RBFOX1: variants seen among roughly 807,000 people sequenced by gnomAD.
The protein encoded by RBFOX1 is RNA binding protein fox-1 homolog 1.
RBFOX1 carries 8 observed loss-of-function variants against 57.7 expected under a neutral mutation model. That is an observed-to-expected ratio of 0.14 (90% CI 0.08 to 0.25). RBFOX1 has a LOEUF of 0.25. Among genes scored for constraint, RBFOX1 ranks in the 10% least tolerant of loss-of-function variants. The pLI is 1.00. For missense variants in RBFOX1, 611 were observed against 548.5 expected (o/e 1.11, Z -1.14); for synonymous variants, 326 against 222.4 (o/e 1.47, Z -4.15).
intron 1 of RBFOX1, among the ~76,000 whole-genome samples, chr16:6,205,292 G>T (rs1293407429): frequency 6.6e-6 from 1 of 152,180 alleles, no homozygotes; most frequent in Non-Finnish European, 1.5e-5. Context: ...GGGAAGCTCT[G>T]TGTTTTAAGG....
chr16:5,475,122 C>G (rs972344494), intron 2 of RBFOX1, among the ~76,000 whole-genome samples: 3 of 152,188 alleles, frequency 2.0e-5, no homozygotes, highest in Non-Finnish European at 2.9e-5. Flanking sequence ...TCTGAGAATC[C>G]TAGTCTTTTA....
intron 1 of RBFOX1, among the ~76,000 whole-genome samples, chr16:6,046,279 A>G (rs1028054772): frequency 1.3e-5 from 2 of 152,176 alleles, no homozygotes; most frequent in East Asian, 3.9e-4. Flanking sequence ...TTTTTGTGAT[A>G]ACACTGACAG....
rs148392550 is a variant in RBFOX1 at position 6,968,460 on chromosome 16, C to T, written c.-15-83597C>T. 6.5e-3 allele frequency among the ~76,000 whole-genome samples: 987 copies of T among 152,194 alleles called. 15 individuals are homozygous for T. The highest frequency in any genetic ancestry group is 0.022 in the African/African-American group (932 of 41,518). Reference sequence around the variant, plus strand: ...TAAAAGCATGCTGCCTGACGCTATCCGGACCGAAAAACTGAGGCTTCTCCC... The same window carrying T: ...TAAAAGCATGCTGCCTGACGCTATCTGGACCGAAAAACTGAGGCTTCTCCC... On this transcript the variant is annotated intron_variant, in intron 3 of 15. Transcript: ENST00000550418.
chr16:5,253,021 G>A (rs917957110), intron 1 of RBFOX1, among the ~76,000 whole-genome samples: 1 of 152,218 alleles, frequency 6.6e-6, no homozygotes, highest in Non-Finnish European at 1.5e-5. Context: ...AGCGTGAGGG[G>A]TTCTCCTCTG....
rs1329343925 is a variant in RBFOX1 at position 6,750,752 on chromosome 16, G to A, written c.-16+96102G>A. ...AAGGGATAGGGCAGTGTATGAGACAGACCCTTGCCTTTGTGGACTAATTAT... is the reference window on the plus strand; with the variant it reads ...AAGGGATAGGGCAGTGTATGAGACAAACCCTTGCCTTTGTGGACTAATTAT... On this transcript the variant is annotated intron_variant, in intron 3 of 15. Transcript: ENST00000550418. 2.6e-5 allele frequency among the ~76,000 whole-genome samples: 4 copies of A among 152,194 alleles called. No homozygotes were observed. In the East Asian group the frequency reaches 7.7e-4, roughly 29 times the overall value.
At chr16:6,216,663 T>C (rs919281937) in intron 1 of RBFOX1, among the ~76,000 whole-genome samples, 4 of 152,210 alleles carry the variant, frequency 2.6e-5, no homozygotes, top group African/African-American at 9.6e-5. Flanking sequence ...TCTTTCTTTA[T>C]TTTTTATTTT....
chr16:5,300,429 G>A (rs1357989934), intron 1 of RBFOX1, among the ~76,000 whole-genome samples: 1 of 151,996 alleles, frequency 6.6e-6, no homozygotes, highest in East Asian at 1.9e-4. Context: ...TGGGTGATGA[G>A]TGCATCAAAA....
intron 4 of RBFOX1, among the ~76,000 whole-genome samples, chr16:5,939,140 T>G (rs1030001191): frequency 1.1e-4 from 16 of 152,168 alleles, no homozygotes; most frequent in Admixed American, 8.5e-4. Context: ...ATACCTCATG[T>G]AAATGATGAA....
At chr16:5,811,696 G>A (rs938809466) in intron 3 of RBFOX1, among the ~76,000 whole-genome samples, 1 of 152,070 alleles carries the variant, frequency 6.6e-6, no homozygotes, top group African/African-American at 2.4e-5. Context: ...TGGTCTGCCC[G>A]CCTTGGCCTC....
At chr16:5,558,886 T>G (rs910184127) in intron 2 of RBFOX1, among the ~76,000 whole-genome samples, 2 of 152,104 alleles carry the variant, frequency 1.3e-5, no homozygotes, top group Non-Finnish European at 2.9e-5. Context: ...CTGGAGAACT[T>G]GTTAAAATGT....
chr16:6,981,042 C>CAAAAAAAA lies in RBFOX1; in HGVS notation c.-15-71005_-15-70998dup, dbSNP rs36117809. On this transcript the variant is annotated intron_variant, in intron 3 of 15. Coordinates refer to ENST00000550418, the MANE Select transcript of RBFOX1 (RefSeq NM_018723.4). Reference sequence around the variant, plus strand: ...TGGGTGGCAGAGCAAGTCTCAGTCTCAAAAAAAAAAAAAAAAACACTAAAA... The same window carrying CAAAAAAAA: ...TGGGTGGCAGAGCAAGTCTCAGTCTCAAAAAAAAAAAAAAAAAAAAAAAAACACTAAAA... Among the ~76,000 whole-genome samples the CAAAAAAAA allele has an allele frequency of 1.8e-3, 140 of 77,410 alleles. 17 individuals carry two copies. Among genetic ancestry groups the CAAAAAAAA allele is most frequent in the African/African-American group, 6.2e-3 (78 of 12,670 alleles). The allele number at this position is 77,410 out of a possible 152,430, so 50.8% of individuals were successfully genotyped here.
intron 3 of RBFOX1, among the ~76,000 whole-genome samples, chr16:6,996,719 A>G (rs1404591894): frequency 6.6e-6 from 1 of 152,218 alleles, no homozygotes; most frequent in Non-Finnish European, 1.5e-5. Flanking sequence ...GCAGTGCTTC[A>G]TACAAATAAT....
intron 1 of RBFOX1, among the ~76,000 whole-genome samples, chr16:6,059,676 T>C (rs1429908580): frequency 6.6e-6 from 1 of 152,142 alleles, no homozygotes; most frequent in African/African-American, 2.4e-5. Flanking sequence ...AGGTCTTAAG[T>C]TTCTTCCTTC....
At chr16:5,546,788 ACT>A (rs1328305047) in intron 2 of RBFOX1, among the ~76,000 whole-genome samples, 4 of 152,068 alleles carry the variant, frequency 2.6e-5, no homozygotes, top group Admixed American at 1.3e-4. Flanking sequence ...AAAATTAAAA[ACT>A]CTACTTTGAA....
At chr16:5,891,980 C>CGA (rs2058054605) in intron 4 of RBFOX1, among the ~76,000 whole-genome samples, 1 of 152,230 alleles carries the variant, frequency 6.6e-6, no homozygotes, top group South Asian at 2.1e-4. Context: ...ACTGCCCTCT[C>CGA]TGTGCTGGGT....
chr16:7,619,519 A>G (rs201858838), intron 10 of RBFOX1, among the ~76,000 whole-genome samples: 1 of 144,322 alleles, frequency 6.9e-6, no homozygotes, highest in Non-Finnish European at 1.5e-5. Flanking sequence ...GAAGGCTTAG[A>G]AGGCAATTCA....
chr16:7,232,060 C>G (rs958415645), intron 4 of RBFOX1, among the ~76,000 whole-genome samples: 6 of 152,040 alleles, frequency 3.9e-5, no homozygotes, highest in African/African-American at 1.4e-4. Flanking sequence ...GAGTCTCGGT[C>G]TGTCACCCAG....
At chr16:7,344,724 C>A (rs1396692830) in intron 4 of RBFOX1, among the ~76,000 whole-genome samples, 2 of 152,292 alleles carry the variant, frequency 1.3e-5, no homozygotes, top group African/African-American at 2.4e-5. Context: ...CAAAGTGGAA[C>A]AATTTGCCCT....
chr16:6,892,264 A>C (rs1199200618), intron 3 of RBFOX1, among the ~76,000 whole-genome samples: 1 of 152,192 alleles, frequency 6.6e-6, no homozygotes, highest in African/African-American at 2.4e-5. Flanking sequence ...AACACTTTGT[A>C]ACGAATGTAT....
Sources: allele counts gnomAD v4.1 joint callset (sites outside exome capture counted in the v4.1 genomes callset), GRCh38; gene constraint gnomAD v4.1.1; transcripts MANE v1.5; gene names NCBI Gene and HGNC (gene_info 2026-07-23, HGNC 2026-07-21).